The following PTPRD variants were observed in gnomAD, a reference collection of about 807,000 sequenced individuals.
PTPRD encodes the protein protein tyrosine phosphatase receptor type D, also known as receptor-type tyrosine-protein phosphatase delta.
A neutral mutation model predicts 214.5 loss-of-function variants in PTPRD; 34 were observed. The observed-to-expected ratio is 0.16, with a 90% CI of 0.12 to 0.21. The LOEUF is 0.21. PTPRD is among the 10% of genes least tolerant of loss of function. The pLI, the probability that PTPRD is intolerant of heterozygous loss-of-function variation, is 1.00. For missense variants in PTPRD, 2,545 were observed against 2,398.7 expected (o/e 1.06, Z -1.27); for synonymous variants, 1,128 against 845.7 (o/e 1.33, Z -5.79).
intron 12 of PTPRD, among the ~76,000 whole-genome samples, chr9:8,721,189 G>A (rs576330677): frequency 1.8e-4 from 28 of 152,130 alleles, no homozygotes; most frequent in African/African-American, 6.7e-4. Context: ...AACACTTTGG[G>A]AAGCCGAGGC....
chr9:10,418,968 G>A (rs1325465448), intron 2 of PTPRD, among the ~76,000 whole-genome samples: 1 of 151,704 alleles, frequency 6.6e-6, no homozygotes, highest in Non-Finnish European at 1.5e-5. Flanking sequence ...TTTTTCCTTG[G>A]CATCTGTTTT....
chr9:8,353,884 G>A (rs62533976), intron 39 of PTPRD, among the ~76,000 whole-genome samples: 145 of 135,578 alleles, frequency 1.1e-3, no homozygotes, highest in African/African-American at 3.8e-3. Context: ...GTATATATGT[G>A]TATATATGTA....
chr9:9,811,619 A>G (rs1051179146), intron 5 of PTPRD, among the ~76,000 whole-genome samples: 1 of 152,104 alleles, frequency 6.6e-6, no homozygotes, highest in African/African-American at 2.4e-5. Context: ...AGGCAGAAGA[A>G]CGGTGTGAAC....
Position 9,926,477 on chromosome 9 carries a change from G to T in PTPRD, c.-368+12030C>A, listed in dbSNP as rs530240258. Among the ~76,000 whole-genome samples the T allele has an allele frequency of 1.1e-3, 165 of 152,118 alleles. 5 individuals carry two copies. In the South Asian group the frequency reaches 0.033, roughly 31 times the overall value. On this transcript the variant is annotated intron_variant, in intron 5 of 45. Transcript: ENST00000381196. ...AAGAGGACTCAGATCTTGGAACGAT[G>T]TATTTTTTTCAGTAAATACATGATG...
intron 2 of PTPRD, among the ~76,000 whole-genome samples, chr9:10,343,978 G>GTT (rs139613939): frequency 0.022 from 695 of 31,664 alleles, 217 homozygotes; most frequent in Non-Finnish European, 0.03. Context: ...TCTGATGGTA[G>GTT]TTTTTTTTTT....
At chr9:8,631,622 C>A (rs762836716) in intron 14 of PTPRD, among the ~76,000 whole-genome samples, 10 of 151,782 alleles carry the variant, frequency 6.6e-5, no homozygotes, top group Admixed American at 2.6e-4. Flanking sequence ...AGGAATAGTG[C>A]TGGAAATCTC....
chr9:10,388,553 TG>T (rs1003531835), intron 2 of PTPRD, among the ~76,000 whole-genome samples: 1 of 151,416 alleles, frequency 6.6e-6, no homozygotes, highest in African/African-American at 2.4e-5. Flanking sequence ...ACATGCATTT[TG>T]AAGTAATTTA....
At chr9:10,442,436 TA>T (rs1351644323) in intron 2 of PTPRD, among the ~76,000 whole-genome samples, 1 of 151,552 alleles carries the variant, frequency 6.6e-6, no homozygotes, top group African/African-American at 2.4e-5. Context: ...CCTATAAGAA[TA>T]AGTTTGATCC....
At chr9:10,413,293 A>C (rs1461419792) in intron 2 of PTPRD, among the ~76,000 whole-genome samples, 1 of 151,886 alleles carries the variant, frequency 6.6e-6, no homozygotes, top group Non-Finnish European at 1.5e-5. Context: ...ACAAAAGTCA[A>C]TAGTATTCCT....
intron 9 of PTPRD, among the ~76,000 whole-genome samples, chr9:9,219,413 TAAATTA>T (rs1448543035): frequency 1.6e-5 from 1 of 64,154 alleles, no homozygotes; most frequent in Non-Finnish European, 3.8e-5. Context: ...CTGTGCTTAT[TAAATTA>T]AAAAAAAAAA....
chr9:10,131,148 G>C (rs1481617019), intron 3 of PTPRD, among the ~76,000 whole-genome samples: 24 of 152,076 alleles, frequency 1.6e-4, no homozygotes, highest in Admixed American at 1.6e-3. Flanking sequence ...AAGAGAGTGA[G>C]GATGGAGCAA....
At chr9:9,534,583 T>C (rs1290472030) in intron 8 of PTPRD, among the ~76,000 whole-genome samples, 1 of 152,140 alleles carries the variant, frequency 6.6e-6, no homozygotes, top group African/African-American at 2.4e-5. Flanking sequence ...CTTCAGGTTC[T>C]AAATAACATT....
chr9:8,329,262 C>T (rs1403034627), intron 44 of PTPRD, among the ~76,000 whole-genome samples: 2 of 152,126 alleles, frequency 1.3e-5, no homozygotes, highest in African/African-American at 4.8e-5. Context: ...TATTTTCCTT[C>T]TAACAAACAC....
rs376570274 is a variant in PTPRD, at chr9:8,486,084, A to T, written c.2733T>A (p.Ile911=). ...VGFGEEMVKE[I]SIPEEVPTGF... ...CAGTTGGTACTTCTTCTGGAATGGAAATCTCCTTCACCATCTCCTCCCCAA... is the reference window on the plus strand; with the variant it reads ...CAGTTGGTACTTCTTCTGGAATGGATATCTCCTTCACCATCTCCTCCCCAA... The change falls in exon 28 of 46, where the codon ATT becomes ATA. Residue 911 remains isoleucine, a synonymous_variant. Coordinates refer to ENST00000381196, the MANE Select transcript of PTPRD (RefSeq NM_002839.4). 5.6e-6 allele frequency: 9 copies of T among 1,613,990 alleles called. No homozygotes were observed. In the African/African-American group the frequency reaches 1.1e-4, roughly 19 times the overall value.
rs142685736 is a variant in PTPRD, at chr9:8,619,974, C to T, written c.352+13343G>A. 5.7e-3 allele frequency among the ~76,000 whole-genome samples: 874 copies of T among 152,152 alleles called. 4 individuals carry two copies. Among genetic ancestry groups the T allele is most frequent in the Non-Finnish European group, 9.7e-3 (658 of 67,978 alleles). Reference sequence around the variant, plus strand: ...ATGTTTGGTCAAGCCACCTCTGAATCTCAGCTGCTCTGAACTTGTAGCCTC... The same window carrying T: ...ATGTTTGGTCAAGCCACCTCTGAATTTCAGCTGCTCTGAACTTGTAGCCTC... On this transcript the variant is annotated intron_variant, in intron 14 of 45. Coordinates refer to ENST00000381196, the MANE Select transcript of PTPRD (RefSeq NM_002839.4).
chr9:8,766,380 G>A (rs1436273664), intron 11 of PTPRD, among the ~76,000 whole-genome samples: 1 of 152,054 alleles, frequency 6.6e-6, no homozygotes, highest in African/African-American at 2.4e-5. Flanking sequence ...TGTACCCTGA[G>A]ATGGGACGGC....
chr9:8,511,817 G>A (rs981174727), intron 21 of PTPRD, among the ~76,000 whole-genome samples: 3 of 151,996 alleles, frequency 2.0e-5, no homozygotes, highest in African/African-American at 4.8e-5. Context: ...GTGAGCTATC[G>A]AGTCCCTAAA....
chr9:8,427,201 G>C (rs999889944), intron 35 of PTPRD, among the ~76,000 whole-genome samples: 1 of 152,170 alleles, frequency 6.6e-6, no homozygotes, highest in African/African-American at 2.4e-5. Context: ...TTAAATCTGA[G>C]AGGTCTGCAT....
intron 10 of PTPRD, among the ~76,000 whole-genome samples, chr9:9,174,337 T>C (rs181470209): frequency 6.6e-6 from 1 of 152,304 alleles, no homozygotes. Flanking sequence ...ACTTTGAACA[T>C]ATCCACAATT....
Sources: allele counts gnomAD v4.1 joint callset (sites outside exome capture counted in the v4.1 genomes callset), GRCh38; gene constraint gnomAD v4.1.1; transcripts MANE v1.5; gene names NCBI Gene and HGNC (gene_info 2026-07-23, HGNC 2026-07-21).